Variants in KLHL1 observed in about 807,000 individuals in gnomAD.
KLHL1 encodes kelch-like protein 1.
A neutral mutation model predicts 77.7 loss-of-function variants in KLHL1; 47 were observed. That is an observed-to-expected ratio of 0.60 (90% CI 0.48 to 0.77). The LOEUF (loss-of-function observed/expected upper bound fraction) is 0.77, where lower values mean the gene tolerates loss of function less well. Ranked by LOEUF, KLHL1 falls within the 30% of genes least tolerant of loss-of-function variation. KLHL1 has a pLI of 0.00. For missense variants in KLHL1, 925 were observed against 910.8 expected, an observed-to-expected ratio of 1.02 and a Z score of -0.20; for synonymous variants, 360 against 325.2, an observed-to-expected ratio of 1.11 and a Z score of -1.15.
chr13:70,005,389 G>C (rs1885381750), intron 1 of KLHL1, among the ~76,000 whole-genome samples: 1 of 151,968 alleles, frequency 6.6e-6, no homozygotes, highest in African/African-American at 2.4e-5. Flanking sequence ...CAGCCTGCAA[G>C]CCACATGCAG....
chr13:69,702,818 G>A (rs1193032739), intron 10 of KLHL1, among the ~76,000 whole-genome samples: 1 of 151,694 alleles, frequency 6.6e-6, no homozygotes, highest in East Asian at 1.9e-4. Flanking sequence ...CATAAAATGA[G>A]AGTAGGGAAG....
At chr13:69,822,779 C>T (rs1160539021) in intron 6 of KLHL1, among the ~76,000 whole-genome samples, 1 of 151,512 alleles carries the variant, frequency 6.6e-6, no homozygotes, top group African/African-American at 2.4e-5. Flanking sequence ...ATTATATTAA[C>T]CTTATAATAT....
chr13:69,836,472 C>G (rs745425061), intron 6 of KLHL1, among the ~76,000 whole-genome samples: 11 of 151,982 alleles, frequency 7.2e-5, no homozygotes, highest in Non-Finnish European at 1.5e-4. Context: ...AAAAATGAAA[C>G]AGCATTCAGG....
chr13:69,837,691 CAT>C (rs1293679649), intron 6 of KLHL1, among the ~76,000 whole-genome samples: 1 of 138,236 alleles, frequency 7.2e-6, no homozygotes, highest in Non-Finnish European at 1.6e-5. Context: ...TATATATACA[CAT>C]ATATATATAG....
At chr13:70,062,584 G>T (rs562353580) in intron 1 of KLHL1, among the ~76,000 whole-genome samples, 1 of 152,202 alleles carries the variant, frequency 6.6e-6, no homozygotes, top group South Asian at 2.1e-4. Context: ...AGAGCTTAAA[G>T]TATAATAAAA....
chr13:69,927,140 T>A (rs1386618083), intron 4 of KLHL1, among the ~76,000 whole-genome samples: 1 of 151,990 alleles, frequency 6.6e-6, no homozygotes, highest in Non-Finnish European at 1.5e-5. Flanking sequence ...GAAAATTCCA[T>A]GGAGAAAAAT....
At chr13:69,868,024 TAA>T (rs982901038) in intron 5 of KLHL1, among the ~76,000 whole-genome samples, 1 of 149,102 alleles carries the variant, frequency 6.7e-6, no homozygotes, top group South Asian at 2.1e-4. Context: ...AACAAAATAA[TAA>T]GTTTTGATAA....
chr13:70,075,411 T>G (rs951190389), intron 1 of KLHL1, among the ~76,000 whole-genome samples: 9 of 150,946 alleles, frequency 6.0e-5, no homozygotes, highest in Non-Finnish European at 1.2e-4. Flanking sequence ...TAACATAATT[T>G]TCTGTATAGA....
chr13:69,915,822 G>T (rs553709683), intron 4 of KLHL1, among the ~76,000 whole-genome samples: 1 of 151,732 alleles, frequency 6.6e-6, no homozygotes, highest in South Asian at 2.1e-4. Flanking sequence ...CAAAATGGGA[G>T]AAAATTTTTG....
chr13:70,055,496 A>T (rs1886723589), intron 1 of KLHL1, among the ~76,000 whole-genome samples: 1 of 152,182 alleles, frequency 6.6e-6, no homozygotes, highest in African/African-American at 2.4e-5. Context: ...CAATGGTAAC[A>T]GTAAATACAC....
chr13:69,786,330 T>C (rs947833647), intron 7 of KLHL1, among the ~76,000 whole-genome samples: 7 of 152,188 alleles, frequency 4.6e-5, no homozygotes, highest in Non-Finnish European at 7.3e-5. Flanking sequence ...GCTTCATCCC[T>C]GGGATGCAAG....
At chr13:70,001,650 C>CTAT (rs1384743809) in intron 1 of KLHL1, among the ~76,000 whole-genome samples, 81 of 126,134 alleles carry the variant, frequency 6.4e-4, no homozygotes, top group African/African-American at 2.3e-3. Flanking sequence ...ATTGGGATAT[C>CTAT]TATCTATTAT....
intron 1 of KLHL1, among the ~76,000 whole-genome samples, chr13:70,033,956 T>C (rs573769619): frequency 2.2e-4 from 33 of 152,176 alleles, no homozygotes; most frequent in African/African-American, 7.9e-4. Flanking sequence ...TAAGCCCTAA[T>C]ACGGACGAAA....
In KLHL1 at chr13:70,052,757, G is replaced by A. The variant is rs75032011; in HGVS notation, c.497+54446C>T. 8.5e-3 allele frequency among the ~76,000 whole-genome samples: 1,284 copies of A among 151,788 alleles called. 20 individuals carry two copies. Among genetic ancestry groups the A allele is most frequent in the African/African-American group, 0.029 (1,182 of 41,426 alleles). ...CTCTCTCTCACATGCACATACATAG[G>A]CCTTAGGTTAATTTCAACATAATTA... On this transcript the variant is annotated intron_variant, in intron 1 of 10. Transcript: ENST00000377844.
At chr13:69,909,820 T>C (rs1004492628) in intron 4 of KLHL1, among the ~76,000 whole-genome samples, 1 of 152,052 alleles carries the variant, frequency 6.6e-6, no homozygotes, top group African/African-American at 2.4e-5. Context: ...AATTAATGTG[T>C]CATTATAAAT....
intron 1 of KLHL1, among the ~76,000 whole-genome samples, chr13:70,043,060 C>T (rs1460915920): frequency 1.3e-5 from 2 of 152,084 alleles, no homozygotes; most frequent in Non-Finnish European, 2.9e-5. Flanking sequence ...CGTGAGCCAC[C>T]ACGCCCAAGT....
chr13:70,043,746 G>T (rs1037943531), intron 1 of KLHL1, among the ~76,000 whole-genome samples: 4 of 152,164 alleles, frequency 2.6e-5, no homozygotes, highest in African/African-American at 9.7e-5. Context: ...ATGTGTAGGA[G>T]GCTGTACCAT....
chr13:69,779,227 G>A lies in KLHL1; in HGVS notation c.1639+17511C>T, dbSNP rs528485804. On this transcript the variant is annotated intron_variant, in intron 7 of 10. Transcript: ENST00000377844. ...AGACACCAGGGAATACCTAACTTAC[G>A]AATTCAAAAGGCCACAGAAGACCAA... Among the ~76,000 whole-genome samples, 22 of 152,190 alleles carry A rather than the reference G, an allele frequency of 1.4e-4. No homozygotes were observed. The South Asian group carries it at 3.3e-3, about 23-fold the overall frequency.
At chr13:69,764,759 A>C (rs1875189253) in intron 7 of KLHL1, among the ~76,000 whole-genome samples, 1 of 151,930 alleles carries the variant, frequency 6.6e-6, no homozygotes, top group Non-Finnish European at 1.5e-5. Flanking sequence ...TTCTATTCTG[A>C]ATTTTAAGAA....
Sources: allele counts gnomAD v4.1 joint callset (sites outside exome capture counted in the v4.1 genomes callset), GRCh38; gene constraint gnomAD v4.1.1; transcripts MANE v1.5; gene names NCBI Gene and HGNC (gene_info 2026-07-23, HGNC 2026-07-21).